ABLIM3: variants seen among roughly 807,000 people sequenced by gnomAD.
The protein encoded by ABLIM3 is actin binding LIM protein family member 3.
In ABLIM3, 61 loss-of-function variants were observed where a neutral mutation model predicts 109.5. The ratio of observed to expected loss-of-function variants is 0.56; its 90% confidence interval spans 0.45 to 0.69. The LOEUF is 0.69. ABLIM3 is among the 30% of genes least tolerant of loss of function. ABLIM3 has a pLI of 0.00. For synonymous variants in ABLIM3, 300 were observed against 324.8 expected (o/e 0.92, Z 0.82); for missense variants, 796 against 889.5 (o/e 0.89, Z 1.34).
intron 5 of ABLIM3, among the ~76,000 whole-genome samples, chr5:149,203,764 A>C (rs1292508889): frequency 6.6e-6 from 1 of 152,092 alleles, no homozygotes; most frequent in African/African-American, 2.4e-5. Flanking sequence ...AACACCAACA[A>C]TATCAGCATC....
At chr5:149,204,366 C>T (rs373654595) in intron 5 of ABLIM3, among the ~76,000 whole-genome samples, 8 of 152,134 alleles carry the variant, frequency 5.3e-5, no homozygotes, top group East Asian at 1.9e-4. Flanking sequence ...ACCAGACCCA[C>T]GGGCTCCTGG....
At chr5:149,170,919 T>C (rs1277861987) in intron 2 of ABLIM3, among the ~76,000 whole-genome samples, 1 of 152,212 alleles carries the variant, frequency 6.6e-6, no homozygotes, top group East Asian at 1.9e-4. Flanking sequence ...CTTAGTCCCA[T>C]GTGTCATGTA....
chr5:149,221,352 G>A (rs548137330), intron 8 of ABLIM3, among the ~76,000 whole-genome samples: 25 of 152,308 alleles, frequency 1.6e-4, no homozygotes, highest in African/African-American at 6.0e-4. Flanking sequence ...ATAAGAGAGA[G>A]AGAGTGTTGG....
At chr5:149,257,083 T>C in intron 23 of ABLIM3, among the ~76,000 whole-genome samples, 1 of 152,190 alleles carries the variant, frequency 6.6e-6, no homozygotes, top group South Asian at 2.1e-4. Context: ...GGAGGGCAGA[T>C]TGCCTGAGCT....
chr5:149,184,464 T>A (rs1181747394), intron 3 of ABLIM3, among the ~76,000 whole-genome samples: 1 of 152,244 alleles, frequency 6.6e-6, no homozygotes, highest in Admixed American at 6.5e-5. Context: ...CAGATACTTG[T>A]ATCCAGGTTT....
chr5:149,144,600 C>T (rs945070518), intron 2 of ABLIM3, among the ~76,000 whole-genome samples: 2 of 152,144 alleles, frequency 1.3e-5, no homozygotes, highest in Non-Finnish European at 1.5e-5. Flanking sequence ...GCTAAGCACT[C>T]CCCTGATTGA....
chr5:149,209,184 C>G (rs1316313639), intron 6 of ABLIM3, among the ~76,000 whole-genome samples: 5 of 152,186 alleles, frequency 3.3e-5, no homozygotes, highest in Admixed American at 3.3e-4. Flanking sequence ...GTGCTTGAGT[C>G]TGGAAGCCTA....
chr5:149,197,580 T>G (rs926665037), intron 3 of ABLIM3, among the ~76,000 whole-genome samples: 2 of 152,136 alleles, frequency 1.3e-5, no homozygotes, highest in African/African-American at 4.8e-5. Flanking sequence ...ATGGCTATGG[T>G]GAGCACAGAT....
intron 21 of ABLIM3, among the ~76,000 whole-genome samples, chr5:149,251,798 G>C (rs1205206770): frequency 6.6e-6 from 1 of 152,224 alleles, no homozygotes; most frequent in Admixed American, 6.5e-5. Flanking sequence ...CTCTCTGCCA[G>C]TGATGCTTTC....
At position 149,259,835 on chromosome 5, in the gene ABLIM3, G is replaced by C. The variant is rs542092836; in HGVS notation, c.*1431G>C. The C allele has an allele frequency of 1.8e-6, 1 of 545,432 alleles. No homozygotes were observed. The highest frequency in any genetic ancestry group is 3.1e-5 in the East Asian group (1 of 32,062). The allele number at this position is 545,432 out of a possible 1,614,324, so 33.8% of individuals were successfully genotyped here. ...ATGACTCTCAAGAGGCTGGCGATGT[G>C]ACATGGCAAATGTAGAACTGACTTA... is the stretch of plus-strand genomic sequence containing the variant. On this transcript the variant is annotated 3_prime_UTR_variant, in exon 24 of 24. Coordinates refer to ENST00000309868, the MANE Select transcript of ABLIM3 (RefSeq NM_014945.5).
At chr5:149,181,177 T>G (rs1756421105) in intron 2 of ABLIM3, among the ~76,000 whole-genome samples, 3 of 152,192 alleles carry the variant, frequency 2.0e-5, no homozygotes, top group African/African-American at 7.2e-5. Context: ...AAACAGAATC[T>G]ATATTTTTCT....
intron 2 of ABLIM3, among the ~76,000 whole-genome samples, chr5:149,157,408 A>G (rs149450060): frequency 6.6e-6 from 1 of 152,028 alleles, no homozygotes; most frequent in East Asian, 1.9e-4. Flanking sequence ...TATGATAGCC[A>G]GGGTGTCTGC....
chr5:149,206,143 C>T (rs571293425), intron 5 of ABLIM3, among the ~76,000 whole-genome samples: 7 of 152,314 alleles, frequency 4.6e-5, no homozygotes, highest in East Asian at 3.9e-4. Flanking sequence ...GTGCCTTGGA[C>T]GTTGGCTCCA....
intron 5 of ABLIM3, among the ~76,000 whole-genome samples, chr5:149,206,427 T>C (rs1271932037): frequency 6.6e-6 from 1 of 152,208 alleles, no homozygotes; most frequent in Non-Finnish European, 1.5e-5. Context: ...TTGGCAAATA[T>C]GCTTTGAGTT....
chr5:149,222,661 CTTTTTTTTTT>C (rs552243427), intron 8 of ABLIM3, among the ~76,000 whole-genome samples: 6 of 124,402 alleles, frequency 4.8e-5, no homozygotes, highest in Admixed American at 8.1e-5. Context: ...TTTCAGATTA[CTTTTTTTTTT>C]TTTTTTTTTT....
chr5:149,236,946 G>A (rs1752261847), intron 10 of ABLIM3, among the ~76,000 whole-genome samples: 1 of 152,302 alleles, frequency 6.6e-6, no homozygotes, highest in South Asian at 2.1e-4. Flanking sequence ...CCAAATGTTA[G>A]CTAGTGTTTT....
At position 149,247,805 on chromosome 5, in the gene ABLIM3, G is replaced by T; in HGVS notation, c.1575G>T (p.Leu525=). 1 of 1,614,260 alleles carries T rather than the reference G, an allele frequency of 6.2e-7. No individual in the cohort carries two copies. The highest frequency in any genetic ancestry group is 8.5e-7 in the Non-Finnish European group (1 of 1,180,054). Residue 525 remains leucine, a synonymous_variant, in exon 18 of 24, where the codon CTG becomes CTT. Coordinates refer to ENST00000309868, the MANE Select transcript of ABLIM3 (RefSeq NM_014945.5). ...MHKLQSGIGR[L]ILKEEMKARS... The stretch of plus-strand genomic sequence containing the variant: ...AGCTCCAAAGTGGAATTGGCCGGCT[G>T]ATTCTGAAGGAAGAAATGAAGGCCC...
Position 149,152,771 on chromosome 5 carries a change from G to A in ABLIM3, c.13+10663G>A, listed in dbSNP as rs1014740547. The stretch of plus-strand genomic sequence containing the variant: ...AGTCAACAGCATGAGCTCTGTATGG[G>A]TTGGGTGAGTTTGATTACCCACCCA... On this transcript the variant is annotated intron_variant, in intron 2 of 23. Transcript: ENST00000309868. Among the ~76,000 whole-genome samples, 5 of 152,228 alleles carry A rather than the reference G, an allele frequency of 3.3e-5. No individual in the cohort carries two copies. In the East Asian group the frequency reaches 9.7e-4, roughly 30 times the overall value.
chr5:149,198,241 G>A lies in ABLIM3; in HGVS notation c.174G>A (p.Gln58=), dbSNP rs1361963967. ...TCQVCGCGLA[Q]SGFFFKNQEY... ...AAGTATGTGGCTGTGGCCTGGCCCA[G>A]TCAGGCTTCTTCTTCAAGAACCAGG... The change falls in exon 4 of 24, where the codon CAG becomes CAA. Residue 58 remains glutamine, a synonymous_variant. Coordinates refer to ENST00000309868, the MANE Select transcript of ABLIM3 (RefSeq NM_014945.5). This position sits in a 1 kb window ranked among gnomAD's most constrained non-coding sequence, Gnocchi z 4.2. 6.2e-7 allele frequency: 1 copy of A among 1,613,662 alleles called. No individual in the cohort carries two copies. Among genetic ancestry groups the A allele is most frequent in the East Asian group, 2.2e-5 (1 of 44,876 alleles).
Sources: gnomAD v4.1 joint callset for allele counts (sites outside exome capture counted in the v4.1 genomes callset) on GRCh38, gnomAD v4.1.1 for gene constraint, Gnocchi (gnomAD v3.1) non-coding constraint, MANE v1.5 for transcripts, NCBI Gene and HGNC (gene_info 2026-07-23, HGNC 2026-07-21) for gene names.